INO80: variants seen among roughly 807,000 people sequenced by gnomAD.
The protein encoded by INO80 is INO80 complex ATPase subunit.
A neutral mutation model predicts 203.4 loss-of-function variants in INO80; 20 were observed. The ratio of observed to expected loss-of-function variants is 0.10; its 90% confidence interval spans 0.07 to 0.14. The LOEUF is 0.14. INO80 is among the 10% of genes least tolerant of loss of function. INO80 has a pLI of 1.00. For synonymous variants in INO80, 726 were observed against 685.2 expected (o/e 1.06, Z -0.93); for missense variants, 1,419 against 1,914.4 (o/e 0.74, Z 4.83).
intron 24 of INO80, among the ~76,000 whole-genome samples, chr15:41,031,944 ACAG>A: frequency 1.2e-5 from 1 of 80,802 alleles, no homozygotes; most frequent in African/African-American, 3.8e-5. Flanking sequence ...ACAGCACAGC[ACAG>A]CACAGCACAG....
intron 34 of INO80, 107 bp from the exon 35 acceptor site, chr15:40,983,184 G>C: frequency 1.2e-6 from 1 of 842,868 alleles, no homozygotes. Context: ...TAGGGCATTT[G>C]TTTTAGGACC....
At chr15:41,044,819 C>T in intron 24 of INO80, 85 bp downstream of exon 24, 1 of 1,390,322 alleles carries the variant, frequency 7.2e-7, no homozygotes, top group Non-Finnish European at 9.7e-7. Flanking sequence ...CTCAGGCCTT[C>T]ATTTACTTTA....
intron 8 of INO80, among the ~76,000 whole-genome samples, chr15:41,080,214 C>T (rs1268502074): frequency 1.3e-5 from 2 of 152,136 alleles, no homozygotes; most frequent in African/African-American, 4.8e-5. Flanking sequence ...TAACAGCTAT[C>T]ACTGCTTATT....
At chr15:41,104,475 T>G (rs936787640) in intron 1 of INO80, among the ~76,000 whole-genome samples, 1 of 152,152 alleles carries the variant, frequency 6.6e-6, no homozygotes, top group Non-Finnish European at 1.5e-5. Flanking sequence ...TCCTGAGCTG[T>G]GTTCATGAGT....
At chr15:41,039,205 G>A (rs1029467286) in intron 24 of INO80, among the ~76,000 whole-genome samples, 3 of 152,084 alleles carry the variant, frequency 2.0e-5, no homozygotes, top group Non-Finnish European at 4.4e-5. Flanking sequence ...CTTGCCTCCT[G>A]GCTCCAAGCA....
chr15:41,099,022 A>T (rs1422311678), intron 1 of INO80, among the ~76,000 whole-genome samples: 1 of 151,850 alleles, frequency 6.6e-6, no homozygotes, highest in Non-Finnish European at 1.5e-5. Flanking sequence ...AAGTGGGTGG[A>T]TCCCTTGAGC....
chr15:41,002,608 A>G lies in INO80; in HGVS notation c.3497+2985T>C, dbSNP rs182378966. Reference sequence around the variant, plus strand: ...GGGGTCTATATTAGCAGAATTTTCTACAAAGAAATATACATAGTCTTAAAT... The same window carrying G: ...GGGGTCTATATTAGCAGAATTTTCTGCAAAGAAATATACATAGTCTTAAAT... On this transcript the variant is annotated intron_variant, in intron 28 of 35. Coordinates refer to ENST00000648947, the MANE Select transcript of INO80 (RefSeq NM_017553.3). Among the ~76,000 whole-genome samples, 408 of 152,350 alleles carry G rather than the reference A, an allele frequency of 2.7e-3. 3 individuals are homozygous for G. The highest frequency in any genetic ancestry group is 0.013 in the South Asian group (61 of 4,830).
At chr15:41,100,948 G>C (rs549917687) in intron 1 of INO80, among the ~76,000 whole-genome samples, 1 of 150,928 alleles carries the variant, frequency 6.6e-6, no homozygotes, top group East Asian at 2.0e-4. Context: ...CTCACCTCCA[G>C]CCTCCCAAGT....
chr15:41,109,732 G>A (rs540837943), intron 1 of INO80, among the ~76,000 whole-genome samples: 1 of 151,874 alleles, frequency 6.6e-6, no homozygotes, highest in South Asian at 2.1e-4. Flanking sequence ...AGGAGTTTGA[G>A]ACCAGCCTGG....
chr15:41,061,552 A>T (rs2045109093), intron 14 of INO80, among the ~76,000 whole-genome samples: 1 of 143,716 alleles, frequency 7.0e-6, no homozygotes, highest in African/African-American at 2.6e-5. Context: ...GAACCCAGGA[A>T]GCAGAAGTTG....
chr15:41,111,707 G>A (rs1475624134), intron 1 of INO80, among the ~76,000 whole-genome samples: 1 of 151,872 alleles, frequency 6.6e-6, no homozygotes, highest in Non-Finnish European at 1.5e-5. Context: ...GGAGGCTGAG[G>A]CAGGAGAATC....
chr15:41,037,897 T>C (rs920393176), intron 24 of INO80, among the ~76,000 whole-genome samples: 15 of 151,220 alleles, frequency 9.9e-5, no homozygotes, highest in African/African-American at 3.6e-4. Context: ...GAGCCAAGAT[T>C]GTGCCACTGC....
intron 1 of INO80, among the ~76,000 whole-genome samples, chr15:41,108,610 A>C (rs900622184): frequency 8.6e-5 from 13 of 150,582 alleles, no homozygotes; most frequent in Admixed American, 8.0e-4. Flanking sequence ...AAAAAAAAAA[A>C]GGAAAAAAAG....
intron 23 of INO80, among the ~76,000 whole-genome samples, chr15:41,045,527 A>G (rs2044740829): frequency 6.7e-6 from 1 of 149,362 alleles, no homozygotes; most frequent in African/African-American, 2.5e-5. Context: ...GATTGCAGTG[A>G]GCCGAGATTG....
intron 1 of INO80, among the ~76,000 whole-genome samples, chr15:41,106,589 T>C (rs781482897): frequency 3.5e-5 from 5 of 141,428 alleles, no homozygotes; most frequent in East Asian, 2.1e-4. Flanking sequence ...GAGCATGCCA[T>C]TGCACTCCAG....
intron 35 of INO80, 76 bp downstream of exon 35, chr15:40,982,786 T>G: frequency 1.6e-6 from 2 of 1,231,488 alleles, no homozygotes; most frequent in Non-Finnish European, 2.3e-6. Context: ...GTTTCCTACA[T>G]GTTCTACCTG....
intron 23 of INO80, among the ~76,000 whole-genome samples, chr15:41,046,984 TTGATCCAGGCTGGCCTCAAC>T (rs1320259543): frequency 1.3e-5 from 2 of 151,594 alleles, no homozygotes; most frequent in South Asian, 2.1e-4. Context: ...GTTGCCTCAA[TTGATCCAGGCTGGCCTCAAC>T]TGATCCAGGC....
At chr15:41,060,786 T>C (rs1041204382) in intron 14 of INO80, among the ~76,000 whole-genome samples, 1 of 151,880 alleles carries the variant, frequency 6.6e-6, no homozygotes, top group African/African-American at 2.4e-5. Flanking sequence ...ATAATTTGCA[T>C]CCCCACCAAC....
In INO80 at chr15:40,996,710, A is replaced by T. The variant is rs534713738; in HGVS notation, c.3570+819T>A. Among the ~76,000 whole-genome samples the T allele has an allele frequency of 3.9e-5, 6 of 152,230 alleles. No individual in the cohort carries two copies. In the South Asian group the frequency reaches 1.2e-3, roughly 32 times the overall value. ...GAAAGAGTGGATAATTTGTTGGAATATCTTTTCTACTTTATTTTTGAAATT... is the reference window on the plus strand; with the variant it reads ...GAAAGAGTGGATAATTTGTTGGAATTTCTTTTCTACTTTATTTTTGAAATT... On this transcript the variant is annotated intron_variant, in intron 29 of 35. Coordinates refer to ENST00000648947, the MANE Select transcript of INO80 (RefSeq NM_017553.3).
Sources: gnomAD v4.1 joint callset for allele counts (sites outside exome capture counted in the v4.1 genomes callset) on GRCh38, gnomAD v4.1.1 for gene constraint, MANE v1.5 for transcripts, NCBI Gene and HGNC (gene_info 2026-07-23, HGNC 2026-07-21) for gene names.